The following PGCKA1 variants were observed in gnomAD, a reference collection of about 807,000 sequenced individuals.
PGCKA1 encodes PDCD10 and GCKIII kinases associated 1, also known as PDCD10 and GCKIII kinases-associated protein 1.
the PGCKA1 span, among the ~76,000 whole-genome samples, chr4:37,521,277 C>T: frequency 6.6e-6 from 1 of 152,148 alleles, no homozygotes; most frequent in Non-Finnish European, 1.5e-5. Flanking sequence ...CCACCTCAGC[C>T]ACAGTGCAGT....
the PGCKA1 span, among the ~76,000 whole-genome samples, chr4:37,537,149 T>C: frequency 1.5e-4 from 23 of 152,370 alleles, no homozygotes; most frequent in East Asian, 4.4e-3. Context: ...AAGATATAGA[T>C]ACTTAAGGAC....
chr4:37,482,378 T>C, the PGCKA1 span, among the ~76,000 whole-genome samples: 1 of 152,164 alleles, frequency 6.6e-6, no homozygotes, highest in Non-Finnish European at 1.5e-5. Flanking sequence ...GAAGAACTTG[T>C]TGGGAACTGG....
At chr4:37,473,666 TCTC>T in the PGCKA1 span, among the ~76,000 whole-genome samples, 1 of 152,064 alleles carries the variant, frequency 6.6e-6, no homozygotes, top group South Asian at 2.1e-4. Flanking sequence ...ACCCAGAAAA[TCTC>T]CTTGCTATCT....
chr4:37,567,281 C>T, the PGCKA1 span, among the ~76,000 whole-genome samples: 1 of 152,108 alleles, frequency 6.6e-6, no homozygotes, highest in African/African-American at 2.4e-5. Context: ...TGAGTTAATA[C>T]ATGAAAGATG....
the PGCKA1 span, among the ~76,000 whole-genome samples, chr4:37,472,564 C>T: frequency 2.6e-5 from 4 of 152,178 alleles, no homozygotes; most frequent in South Asian, 4.1e-4. Context: ...CTGCAATTCC[C>T]ATTCCAGTTC....
At chr4:37,526,341 A>G in the PGCKA1 span, among the ~76,000 whole-genome samples, 1 of 152,346 alleles carries the variant, frequency 6.6e-6, no homozygotes, top group African/African-American at 2.4e-5. Context: ...ATTAAAATTC[A>G]TAGTAATACC....
the PGCKA1 span, among the ~76,000 whole-genome samples, chr4:37,531,597 T>C: frequency 1.3e-5 from 2 of 151,336 alleles, no homozygotes; most frequent in East Asian, 1.9e-4. Flanking sequence ...ATAAATCATA[T>C]TAAGGATGAA....
At chr4:37,564,865 A>C in the PGCKA1 span, among the ~76,000 whole-genome samples, 1 of 152,092 alleles carries the variant, frequency 6.6e-6, no homozygotes, top group Non-Finnish European at 1.5e-5. Context: ...GCTTGTTAGA[A>C]ACACAGGCTG....
At chr4:37,498,010 T>C in the PGCKA1 span, among the ~76,000 whole-genome samples, 1 of 152,156 alleles carries the variant, frequency 6.6e-6, no homozygotes, top group Non-Finnish European at 1.5e-5. Flanking sequence ...ATGTCTAGAA[T>C]ATTATGTTCT....
the PGCKA1 span, among the ~76,000 whole-genome samples, chr4:37,536,099 C>G: frequency 6.6e-6 from 1 of 152,130 alleles, no homozygotes; most frequent in Non-Finnish European, 1.5e-5. Context: ...GGGTGTGACA[C>G]GAGTACAAAA....
At chr4:37,507,867 A>G in the PGCKA1 span, among the ~76,000 whole-genome samples, 1 of 152,084 alleles carries the variant, frequency 6.6e-6, no homozygotes, top group African/African-American at 2.4e-5. Context: ...CAGGTCTGGT[A>G]TTCATGGAAT....
At chr4:37,529,377 A>G in the PGCKA1 span, among the ~76,000 whole-genome samples, 4 of 152,072 alleles carry the variant, frequency 2.6e-5, no homozygotes, top group Non-Finnish European at 5.9e-5. Flanking sequence ...TTTCTCCCCA[A>G]TCATATGATT....
At chr4:37,491,668 C>T in the PGCKA1 span, among the ~76,000 whole-genome samples, 7 of 152,022 alleles carry the variant, frequency 4.6e-5, no homozygotes, top group African/African-American at 1.7e-4. Context: ...AGTTTATTTC[C>T]ATCTACTGGG....
At chr4:37,512,949 G>T in the PGCKA1 span, among the ~76,000 whole-genome samples, 3 of 152,048 alleles carry the variant, frequency 2.0e-5, no homozygotes, top group Non-Finnish European at 4.4e-5. Flanking sequence ...TCAGCTGGGC[G>T]TAGTGGCACA....
the PGCKA1 span, among the ~76,000 whole-genome samples, chr4:37,455,383 T>C: frequency 6.6e-6 from 1 of 152,206 alleles, no homozygotes; most frequent in African/African-American, 2.4e-5. Flanking sequence ...TTATTTGTAT[T>C]TCCCTAAAGT....
chr4:37,567,207 A>G, the PGCKA1 span, among the ~76,000 whole-genome samples: 1 of 152,126 alleles, frequency 6.6e-6, no homozygotes, highest in Non-Finnish European at 1.5e-5. Context: ...AAGTTATATA[A>G]CCTCCCATTT....
chr4:37,567,985 A>G, the PGCKA1 span, among the ~76,000 whole-genome samples: 10 of 150,418 alleles, frequency 6.6e-5, no homozygotes, highest in Non-Finnish European at 1.3e-4. Context: ...CATCATCACT[A>G]TGTTGTAATA....
chr4:37,504,992 T>A, the PGCKA1 span, among the ~76,000 whole-genome samples: 1 of 152,226 alleles, frequency 6.6e-6, no homozygotes, highest in African/African-American at 2.4e-5. Context: ...ATCCTTGTCA[T>A]GTTCCAGATC....
chr4:37,573,477 C>T, the PGCKA1 span, among the ~76,000 whole-genome samples: 2 of 152,204 alleles, frequency 1.3e-5, no homozygotes, highest in African/African-American at 4.8e-5. Context: ...GTGTCTACTC[C>T]ACCCCACTCT....
Sources: gnomAD v4.1 joint callset for allele counts (sites outside exome capture counted in the v4.1 genomes callset) on GRCh38, gnomAD v4.1.1 for gene constraint, MANE v1.5 for transcripts, NCBI Gene and HGNC (gene_info 2026-07-23, HGNC 2026-07-21) for gene names.